ZNF341: variants seen among roughly 807,000 people sequenced by gnomAD.
The protein encoded by ZNF341 is zinc finger protein 341.
In ZNF341, 52 loss-of-function variants were observed where a neutral mutation model predicts 87.7. The ratio of observed to expected loss-of-function variants is 0.59; its 90% confidence interval spans 0.47 to 0.75. The LOEUF (loss-of-function observed/expected upper bound fraction) is 0.75, where lower values mean the gene tolerates loss of function less well. Ranked by LOEUF, ZNF341 falls within the 30% of genes least tolerant of loss-of-function variation. The pLI, the probability that ZNF341 is intolerant of heterozygous loss-of-function variation, is 0.00. For synonymous variants in ZNF341, 459 were observed against 472.7 expected, an observed-to-expected ratio of 0.97 and a Z score of 0.38; for missense variants, 977 against 1,145.9, an observed-to-expected ratio of 0.85 and a Z score of 2.13.
chr20:33,758,706 T>G lies in ZNF341; in HGVS notation c.938-10T>G. On this transcript the variant is annotated splice_polypyrimidine_tract_variant and intron_variant, in intron 6 of 14. Coordinates refer to ENST00000375200, the MANE Select transcript of ZNF341 (RefSeq NM_001282933.2). ...AGCCTCATTGTCCCCTCCTTCCACT[T>G]GTCTTTCAGCTGCAGGGAAGCCAAA... is the stretch of plus-strand genomic sequence containing the variant. 1 of 1,612,036 alleles carries G rather than the reference T, an allele frequency of 6.2e-7. No individual in the cohort carries two copies.
At chr20:33,752,981 C>A (rs1438080192) in intron 4 of ZNF341, among the ~76,000 whole-genome samples, 191 bp from the exon 5 acceptor site, 1 of 152,184 alleles carries the variant, frequency 6.6e-6, no homozygotes, top group Non-Finnish European at 1.5e-5. Flanking sequence ...AAAGGGATAG[C>A]AGCACCAAGC....
At chr20:33,762,568 G>A (rs959712245) in intron 8 of ZNF341, among the ~76,000 whole-genome samples, 1 of 151,192 alleles carries the variant, frequency 6.6e-6, no homozygotes, top group African/African-American at 2.4e-5. Flanking sequence ...TGCAGAACGT[G>A]CAGGTTTGTT....
At chr20:33,768,120 T>C (rs1414605553) in intron 9 of ZNF341, among the ~76,000 whole-genome samples, 1 of 122,482 alleles carries the variant, frequency 8.2e-6, no homozygotes, top group Non-Finnish European at 1.6e-5. Flanking sequence ...GGAACCAGGA[T>C]CAAGTGTTTT....
intron 11 of ZNF341, 23 bp from the exon 12 acceptor site, chr20:33,783,709 T>C: frequency 6.2e-7 from 1 of 1,613,636 alleles, no homozygotes; most frequent in South Asian, 1.1e-5. Context: ...GAGTCAGACC[T>C]GAAGGCCCCT....
At chr20:33,770,318 C>T in intron 10 of ZNF341, 26 bp downstream of exon 10, 2 of 515,978 alleles carry the variant, frequency 3.9e-6, no homozygotes, top group Non-Finnish European at 7.9e-6. Flanking sequence ...TTCCCTCTCC[C>T]TGGGTGGACG....
rs184458008 is a variant in ZNF341 at position 33,791,194 on chromosome 20, C to A, written c.2242C>A (p.Gln748Lys). 2 of 1,612,726 alleles carry A rather than the reference C, an allele frequency of 1.2e-6. No homozygotes were observed. The highest frequency in any genetic ancestry group is 2.2e-5 in the East Asian group (1 of 44,890). Reference sequence around the variant, plus strand: ...GGACCTGCAAACCCGGCGGCCCCCCCAGAGGAGGGCAGCCCCCCGCAGTTG... The same window carrying A: ...GGACCTGCAAACCCGGCGGCCCCCCAAGAGGAGGGCAGCCCCCCGCAGTTG... ...DKDLQTRRPP[Q>K]RRAAPRSCGS... The change falls in exon 15 of 15, where the codon CAG (glutamine) becomes AAG (lysine). Residue 748 changes from glutamine to lysine, a missense_variant. Gln to Lys is a moderately conservative substitution (Grantham distance 53). Around this residue, in one of 3 missense-constraint regions of ZNF341, gnomAD observed 221 missense variants for 212.7 expected, o/e 1.04. Transcript: ENST00000375200.
chr20:33,776,893 C>T (rs1231225724), intron 10 of ZNF341, among the ~76,000 whole-genome samples: 2 of 152,074 alleles, frequency 1.3e-5, no homozygotes, highest in African/African-American at 4.8e-5. Flanking sequence ...CTCCTGGCCT[C>T]AAGTGATCCT....
intron 3 of ZNF341, among the ~76,000 whole-genome samples, chr20:33,748,297 C>T (rs958152840): frequency 3.3e-5 from 5 of 151,718 alleles, no homozygotes; most frequent in Non-Finnish European, 5.9e-5. Context: ...GTCTCGATCT[C>T]TTGACCTCGT....
chr20:33,771,992 C>T (rs901205496), intron 10 of ZNF341, among the ~76,000 whole-genome samples: 5 of 110,242 alleles, frequency 4.5e-5, no homozygotes, highest in Admixed American at 2.5e-4. Flanking sequence ...TCAGCCTGAG[C>T]GACAGAGACG....
intron 1 of ZNF341, among the ~76,000 whole-genome samples, chr20:33,733,218 C>CT (rs1163203751): frequency 0.024 from 3,164 of 130,764 alleles, 84 homozygotes; most frequent in Non-Finnish European, 0.033. Flanking sequence ...GGCTAATTTC[C>CT]TTTTTTTTTT....
At chr20:33,768,508 C>T (rs984582867) in intron 9 of ZNF341, among the ~76,000 whole-genome samples, 13 of 151,806 alleles carry the variant, frequency 8.6e-5, no homozygotes, top group African/African-American at 2.4e-4. Context: ...CTGTAACCGC[C>T]ACCTCCTGGG....
At position 33,736,968 on chromosome 20, in the gene ZNF341, A is replaced by G. The variant is rs2018700694; in HGVS notation, c.32-3934A>G. On this transcript the variant is annotated intron_variant, in intron 1 of 14. Coordinates refer to ENST00000375200, the MANE Select transcript of ZNF341 (RefSeq NM_001282933.2). ...GACAAAGTGTTTCCTCAAAATGGAAACACTTAGGGGGTGGCCAGGAGAAGA... is the reference window on the plus strand; with the variant it reads ...GACAAAGTGTTTCCTCAAAATGGAAGCACTTAGGGGGTGGCCAGGAGAAGA... Among the ~76,000 whole-genome samples the G allele has an allele frequency of 2.6e-5, 4 of 152,254 alleles. No individual in the cohort carries two copies. The South Asian group carries it at 8.3e-4, about 32-fold the overall frequency.
rs1322440036 is a variant in ZNF341 at position 33,791,707 on chromosome 20, T to C, written c.*190T>C. On this transcript the variant is annotated 3_prime_UTR_variant, in exon 15 of 15. Transcript: ENST00000375200. ...GTGCCCCTCTCCTGCCGGAAAGCCC[T>C]GCAACATTCTAGGGTTGGGGGCAGG... 3.2e-6 allele frequency: 2 copies of C among 634,086 alleles called. No individual in the cohort carries two copies. Among genetic ancestry groups the C allele is most frequent in the Non-Finnish European group, 5.2e-6 (2 of 387,744 alleles). The allele number at this position is 634,086 out of a possible 1,614,324, so 39.3% of individuals were successfully genotyped here.
intron 3 of ZNF341, among the ~76,000 whole-genome samples, chr20:33,745,613 A>G (rs2018902349): frequency 6.6e-6 from 1 of 152,164 alleles, no homozygotes; most frequent in Non-Finnish European, 1.5e-5. Flanking sequence ...TTGTAGAATA[A>G]TAAGTAGATA....
intron 8 of ZNF341, among the ~76,000 whole-genome samples, chr20:33,764,086 G>A (rs536376257): frequency 6.7e-5 from 10 of 148,164 alleles, no homozygotes; most frequent in African/African-American, 2.2e-4. Context: ...GTGCAGTGGC[G>A]CGATCTCAGC....
intron 13 of ZNF341, among the ~76,000 whole-genome samples, chr20:33,789,192 C>T (rs768335317): frequency 3.9e-5 from 6 of 151,924 alleles, no homozygotes; most frequent in Non-Finnish European, 7.4e-5. Context: ...TCTCTTGCCT[C>T]GGCTTCCCAA....
At chr20:33,738,553 T>TG (rs1280235197) in intron 1 of ZNF341, among the ~76,000 whole-genome samples, 1 of 152,110 alleles carries the variant, frequency 6.6e-6, no homozygotes, top group African/African-American at 2.4e-5. Context: ...AAAGGCAAGA[T>TG]GGGGGTTCGT....
At chr20:33,762,148 A>G (rs1430283901) in intron 8 of ZNF341, 93 bp downstream of exon 8, 23 of 1,220,130 alleles carry the variant, frequency 1.9e-5, no homozygotes, top group Non-Finnish European at 2.6e-5. Flanking sequence ...GGCAAACCCC[A>G]TGACCTCTCT....
At chr20:33,770,343 G>GGGGGGCCTGGC (rs2122705948) in intron 10 of ZNF341, 51 bp downstream of exon 10, 1 of 511,254 alleles carries the variant, frequency 2.0e-6, no homozygotes, top group South Asian at 1.5e-5. Flanking sequence ...GGTGGGCAGG[G>GGGGGGCCTGGC]AGCCCAGGGC....
Sources: gnomAD v4.1 joint callset for allele counts (sites outside exome capture counted in the v4.1 genomes callset) on GRCh38, gnomAD v4.1.1 for gene constraint, gnomAD v4.1.1 regional missense constraint, MANE v1.5 for transcripts, NCBI Gene and HGNC (gene_info 2026-07-23, HGNC 2026-07-21) for gene names.